NBEAL2: variants seen among roughly 807,000 people sequenced by gnomAD.
NBEAL2 encodes neurobeachin-like protein 2.
Under a neutral mutation model 299.8 loss-of-function variants are expected in NBEAL2, and 160 were observed. The ratio of observed to expected loss-of-function variants is 0.53; its 90% CI spans 0.47 to 0.61. The LOEUF is 0.61. Among genes scored for constraint, NBEAL2 ranks in the 20% least tolerant of loss-of-function variants. The pLI is 0.00. For synonymous variants in NBEAL2, 1,493 were observed against 1,542.3 expected (o/e 0.97, Z 0.75); for missense variants, 3,112 against 3,649.0 (o/e 0.85, Z 3.79).
intron 26 of NBEAL2, 34 bp downstream of exon 26, chr3:46,999,749 G>A (rs761129266): frequency 3.2e-5 from 52 of 1,601,458 alleles, no homozygotes; most frequent in Non-Finnish European, 4.3e-5. Flanking sequence ...TGGGGGAGGG[G>A]GAGGGTGGCT....
At position 46,991,964 on chromosome 3, in the gene NBEAL2, T is replaced by G; in HGVS notation, c.1032+18T>G. The G allele has an allele frequency of 2.5e-6, 4 of 1,575,588 alleles. No individual in the cohort carries two copies. Among genetic ancestry groups the G allele is most frequent in the Non-Finnish European group, 3.4e-6 (4 of 1,159,552 alleles). On this transcript the variant is annotated intron_variant, in intron 9 of 53. Coordinates refer to ENST00000450053, the MANE Select transcript of NBEAL2 (RefSeq NM_015175.3). This position sits in a 1 kb window ranked among gnomAD's most constrained non-coding sequence, Gnocchi z 6.2. The stretch of plus-strand genomic sequence containing the variant: ...ACAGCAAGGTGGGTAGGGCCCAGCC[T>G]GGGGGTGAGGGTCTGGAAGCCAGAG...
Position 46,989,486 on chromosome 3 carries a change from A to G in NBEAL2, c.474-25A>G. The G allele has an allele frequency of 6.3e-7, 1 of 1,577,480 alleles. No individual in the cohort carries two copies. Among genetic ancestry groups the G allele is most frequent in the Non-Finnish European group, 8.6e-7 (1 of 1,161,808 alleles). Reference sequence around the variant, plus strand: ...GCCAGGAGTGGTGAGAGCCGGGCTGATGTACTTGGCCTCACTGCCCCCAGG... The same window carrying G: ...GCCAGGAGTGGTGAGAGCCGGGCTGGTGTACTTGGCCTCACTGCCCCCAGG... On this transcript the variant is annotated intron_variant, in intron 5 of 53. Transcript: ENST00000450053. This position sits in a 1 kb window ranked among gnomAD's most constrained non-coding sequence, Gnocchi z 5.5.
chr3:46,985,326 AT>A (rs1442014569), intron 1 of NBEAL2, among the ~76,000 whole-genome samples: 3 of 152,180 alleles, frequency 2.0e-5, no homozygotes, highest in Non-Finnish European at 2.9e-5. Context: ...CCATTGTGCA[AT>A]GGCCTTGGGG....
chr3:46,987,784 C>T (rs1181647613), intron 1 of NBEAL2, among the ~76,000 whole-genome samples: 1 of 152,156 alleles, frequency 6.6e-6, no homozygotes, highest in East Asian at 1.9e-4. Flanking sequence ...CCCACAAGCC[C>T]CACCCAGGAC....
At position 47,006,077 on chromosome 3, in the gene NBEAL2, T is replaced by C; in HGVS notation, c.6919+14T>C. The stretch of plus-strand genomic sequence containing the variant: ...GCACCTATGAGGGTGGGCAGTGCGC[T>C]GGACTCCAGTCAGGGCCAGGACAAG... On this transcript the variant is annotated intron_variant, in intron 43 of 53. Coordinates refer to ENST00000450053, the MANE Select transcript of NBEAL2 (RefSeq NM_015175.3). 1 of 1,613,158 alleles carries C rather than the reference T, an allele frequency of 6.2e-7. No homozygotes were observed. The highest frequency in any genetic ancestry group is 1.1e-5 in the South Asian group (1 of 91,080).
chr3:46,995,185 G>A lies in NBEAL2; in HGVS notation c.1450G>A (p.Ala484Thr). ...RLRWLCDSCP[A>T]SRATCVQAGL... ...CAGGTGGCTCTGTGACAGCTGCCCTGCCAGCCGTGCCACCTGTGTGCAGGC... is the reference window on the plus strand; with the variant it reads ...CAGGTGGCTCTGTGACAGCTGCCCTACCAGCCGTGCCACCTGTGTGCAGGC... Residue 484 changes from alanine to threonine, a missense_variant, in exon 13 of 54, where the codon GCC becomes ACC. Around this residue, in one of 3 missense-constraint regions of NBEAL2, gnomAD observed 2,243 missense variants for 2,538.1 expected, o/e 0.88. Coordinates refer to ENST00000450053, the MANE Select transcript of NBEAL2 (RefSeq NM_015175.3). 3 of 1,557,876 alleles carry A rather than the reference G, an allele frequency of 1.9e-6. No individual in the cohort carries two copies. Among genetic ancestry groups the A allele is most frequent in the East Asian group, 4.8e-5 (2 of 41,396 alleles).
At chr3:46,979,933 GCCCGCA>G (rs757306698) in intron 1 of NBEAL2, 21 bp downstream of exon 1, 16 of 362,756 alleles carry the variant, frequency 4.4e-5, no homozygotes, top group Middle Eastern at 1.5e-3. Context: ...CCCGCCCCGC[GCCCGCA>G]CCCGCACCCG....
intron 22 of NBEAL2, 42 bp downstream of exon 22, chr3:46,998,607 A>G: frequency 6.3e-7 from 1 of 1,586,740 alleles, no homozygotes; most frequent in Non-Finnish European, 8.6e-7. Flanking sequence ...GGGCTGACAC[A>G]GTGGCCTCCG....
chr3:46,989,646 T>C lies in NBEAL2; in HGVS notation c.556+53T>C, dbSNP rs1249942366. ...GCTCCACCCCCAAACCTAGGCCCCTTCCTGTCGTTCCTTGATCCTGCCATA... is the reference window on the plus strand; with the variant it reads ...GCTCCACCCCCAAACCTAGGCCCCTCCCTGTCGTTCCTTGATCCTGCCATA... On this transcript the variant is annotated intron_variant, in intron 6 of 53. Coordinates refer to ENST00000450053, the MANE Select transcript of NBEAL2 (RefSeq NM_015175.3). This position sits in a 1 kb window ranked among gnomAD's most constrained non-coding sequence, Gnocchi z 5.5. 1 of 1,466,304 alleles carries C rather than the reference T, an allele frequency of 6.8e-7. No homozygotes were observed. The highest frequency in any genetic ancestry group is 9.3e-7 in the Non-Finnish European group (1 of 1,070,066). The allele number at this position is 1,466,304 out of a possible 1,614,324, so 90.8% of individuals were successfully genotyped here.
At chr3:46,984,158 T>A (rs2035540992) in intron 1 of NBEAL2, among the ~76,000 whole-genome samples, 1 of 61,626 alleles carries the variant, frequency 1.6e-5, no homozygotes, top group Admixed American at 1.7e-4. Context: ...AAAAAAAAAT[T>A]AGCCAGGCGT....
In NBEAL2 at chr3:46,990,034, C is replaced by G. The variant is rs745855539; in HGVS notation, c.556+441C>G. Among the ~76,000 whole-genome samples the G allele has an allele frequency of 1.2e-4, 19 of 152,222 alleles. No homozygotes were observed. The Middle Eastern group carries it at 0.017, about 136-fold the overall frequency. ...CTGTGGCTGCCTGTTCACAGGTGGT[C>G]CTGTGAACCTGTTCTCCCTGGTGAC... On this transcript the variant is annotated intron_variant, in intron 6 of 53. Transcript: ENST00000450053.
Position 46,999,067 on chromosome 3 carries a change from C to G in NBEAL2, c.3493C>G (p.Leu1165Val), listed in dbSNP as rs371664720. 1 of 1,593,030 alleles carries G rather than the reference C, an allele frequency of 6.3e-7. No individual in the cohort carries two copies. Among genetic ancestry groups the G allele is most frequent in the South Asian group, 1.1e-5 (1 of 87,582 alleles). The change falls in exon 24 of 54, where the codon CTG becomes GTG. Residue 1165 changes from leucine (L) to valine (V), a missense_variant. Leu to Val is a conservative substitution (Grantham distance 32). Around this residue, in one of 3 missense-constraint regions of NBEAL2, gnomAD observed 2,243 missense variants for 2,538.1 expected, o/e 0.88. Coordinates refer to ENST00000450053, the MANE Select transcript of NBEAL2 (RefSeq NM_015175.3). ...AGGGAACCTCGAAGTGCTACTGGCC[C>G]TGCTAGTGCGGCCAGGGTCACTGCC... ...EPGNLEVLLA[L>V]LVRPGSLPLL...
intron 16 of NBEAL2, 33 bp downstream of exon 16, chr3:46,996,625 C>G: frequency 6.8e-7 from 1 of 1,481,298 alleles, no homozygotes; most frequent in Non-Finnish European, 8.9e-7. Flanking sequence ...GCCACAGCCC[C>G]AGGCCAGAAG....
intron 21 of NBEAL2, 32 bp downstream of exon 21, chr3:46,998,258 C>T: frequency 1.3e-6 from 2 of 1,598,326 alleles, no homozygotes; most frequent in Non-Finnish European, 1.7e-6. Flanking sequence ...AGGGGCCGGC[C>T]ATAGGGCAGC....
chr3:46,989,185 T>C lies in NBEAL2; in HGVS notation c.351+19T>C. On this transcript the variant is annotated intron_variant, in intron 4 of 53. Coordinates refer to ENST00000450053, the MANE Select transcript of NBEAL2 (RefSeq NM_015175.3). This position sits in a 1 kb window ranked among gnomAD's most constrained non-coding sequence, Gnocchi z 5.5. ...GGCGGAGGTGAAGTGGCCTCTACCT[T>C]GGGGGGCAGAGGGTGTATGCAGGGA... is the stretch of plus-strand genomic sequence containing the variant. 1 of 1,613,594 alleles carries C rather than the reference T, an allele frequency of 6.2e-7. No homozygotes were observed.
intron 15 of NBEAL2, 70 bp downstream of exon 15, chr3:46,996,121 C>G: frequency 3.2e-6 from 5 of 1,552,204 alleles, no homozygotes; most frequent in Non-Finnish European, 4.4e-6. Context: ...GCAGGTGTAG[C>G]CTGGAGCCCT....
rs759623736 is a variant in NBEAL2, at chr3:47,002,974, G to T, written c.5477G>T (p.Arg1826Leu). Residue 1826 changes from arginine (R) to leucine (L), a missense_variant, in exon 34 of 54, where the codon CGC becomes CTC. Physicochemically the swap from Arg to Leu is moderately radical, Grantham distance 102. Coordinates refer to ENST00000450053, the MANE Select transcript of NBEAL2 (RefSeq NM_015175.3). ...AWALRDTPIP[R>L]WKLSSAETYS... ...TTCTGCAGGGACACTCCCATCCCCC[G>T]CTGGAAACTGTCCAGCGCCGAGACA... 5 of 1,613,166 alleles carry T rather than the reference G, an allele frequency of 3.1e-6. No individual in the cohort carries two copies. Among genetic ancestry groups the T allele is most frequent in the Admixed American group, 1.7e-5 (1 of 60,002 alleles).
chr3:47,006,118 T>G, intron 43 of NBEAL2, 47 bp from the exon 44 acceptor site: 1 of 1,613,052 alleles, frequency 6.2e-7, no homozygotes, highest in Non-Finnish European at 8.5e-7. Flanking sequence ...GTCGGGTGGA[T>G]GCAGAGGGCA....
intron 1 of NBEAL2, among the ~76,000 whole-genome samples, chr3:46,980,313 A>T (rs1180723952): frequency 1.3e-5 from 2 of 152,112 alleles, no homozygotes; most frequent in Non-Finnish European, 2.9e-5. Context: ...CAATTTGTCT[A>T]TGAGCTGCCT....
Sources: gnomAD v4.1 joint callset for allele counts (sites outside exome capture counted in the v4.1 genomes callset) on GRCh38, gnomAD v4.1.1 for gene constraint, gnomAD v4.1.1 regional missense constraint, Gnocchi (gnomAD v3.1) non-coding constraint, MANE v1.5 for transcripts, NCBI Gene and HGNC (gene_info 2026-07-23, HGNC 2026-07-21) for gene names.